Variants in SF3A3 observed in about 807,000 individuals in gnomAD.
SF3A3 encodes the protein splicing factor 3a subunit 3.
A neutral mutation model predicts 85.8 loss-of-function variants in SF3A3; 9 were observed. That is an observed-to-expected ratio of 0.10 (90% CI 0.06 to 0.18). SF3A3 has a LOEUF of 0.18. Ranked by LOEUF, SF3A3 falls within the 10% of genes least tolerant of loss-of-function variation. The pLI is 1.00. For missense variants in SF3A3, 306 were observed against 593.3 expected (o/e 0.52, Z 5.03); for synonymous variants, 195 against 204.4 (o/e 0.95, Z 0.39).
At chr1:37,958,639 C>A (rs1348628178) in intron 16 of SF3A3, among the ~76,000 whole-genome samples, 1 of 152,232 alleles carries the variant, frequency 6.6e-6, no homozygotes, top group African/African-American at 2.4e-5. Flanking sequence ...GGATTCTGCT[C>A]AGAGGCCATT....
chr1:37,969,651 T>G lies in SF3A3; in HGVS notation c.1090A>C (p.Ile364Leu). ...EEREEEEEEQ[I>L]SESESEDEEN... ...TCATCTTCACTCTCACTCTCACTGA[T>G]CTGCTCTTCTTCCTCTTCTTCTCGC... The change falls in exon 13 of 17, where the codon ATC becomes CTC. Residue 364 changes from isoleucine (I) to leucine (L), a missense_variant. Ile to Leu is a conservative substitution (Grantham distance 5, BLOSUM62 2). Transcript: ENST00000373019. The G allele has an allele frequency of 6.2e-7, 1 of 1,614,044 alleles. No homozygotes were observed. The highest frequency in any genetic ancestry group is 8.5e-7 in the Non-Finnish European group (1 of 1,179,866).
chr1:37,984,211 G>C lies in SF3A3; in HGVS notation c.426C>G (p.Leu142=). 1 of 1,609,978 alleles carries C rather than the reference G, an allele frequency of 6.2e-7. No individual in the cohort carries two copies. Among genetic ancestry groups the C allele is most frequent in the Non-Finnish European group, 8.5e-7 (1 of 1,177,158 alleles). ...DEEGYGRYLD[L]HDCYLKYINL... is the part of the protein sequence containing the mutation. ...TAATGTACTTGAGGTAACAGTCATG[G>C]AGATCGAGATAACGACCATATCCCT... Residue 142 remains leucine, a synonymous_variant, in exon 6 of 17, where the codon CTC becomes CTG. Transcript: ENST00000373019.
chr1:37,978,731 C>G lies in SF3A3; in HGVS notation c.924G>C (p.Lys308Asn). The G allele has an allele frequency of 6.4e-7, 1 of 1,560,376 alleles. No homozygotes were observed. Among genetic ancestry groups the G allele is most frequent in the Non-Finnish European group, 8.7e-7 (1 of 1,150,908 alleles). The change falls in exon 11 of 17, where the codon AAG becomes AAC. Residue 308 changes from lysine to asparagine, a missense_variant. This residue lies in a region of SF3A3 where 136 missense variants were observed against 296.6 expected (regional missense o/e 0.46). Transcript: ENST00000373019. ...TSLFAKNPKS[K>N]GTKRDTERNK... is the part of the protein sequence containing the mutation. ...CCCCAGCCACTCACCGCTTGGTGCC[C>G]TTTGACTTGGGATTTTTGGCAAACA...
chr1:37,970,926 C>T (rs528055838), intron 12 of SF3A3, among the ~76,000 whole-genome samples: 27 of 152,188 alleles, frequency 1.8e-4, no homozygotes, highest in Non-Finnish European at 3.4e-4. Context: ...AACTGACACC[C>T]TAACATCACA....
At chr1:37,961,073 T>C (rs1194182890) in intron 15 of SF3A3, among the ~76,000 whole-genome samples, 1 of 152,166 alleles carries the variant, frequency 6.6e-6, no homozygotes, top group East Asian at 1.9e-4. Flanking sequence ...CAATAGATGA[T>C]GAGAAAACAG....
chr1:37,971,909 G>T (rs1180452031), intron 12 of SF3A3, among the ~76,000 whole-genome samples: 3 of 152,168 alleles, frequency 2.0e-5, no homozygotes, highest in Admixed American at 2.0e-4. Flanking sequence ...CATACTGAAT[G>T]GGCAAAAACT....
At chr1:37,967,381 T>A (rs1249346787) in intron 15 of SF3A3, among the ~76,000 whole-genome samples, 2 of 151,088 alleles carry the variant, frequency 1.3e-5, no homozygotes, top group African/African-American at 4.9e-5. Context: ...CCGTCTCTAC[T>A]AAAAATACAA....
chr1:37,974,514 G>A (rs769387419), intron 12 of SF3A3, among the ~76,000 whole-genome samples: 2 of 152,080 alleles, frequency 1.3e-5, no homozygotes. Flanking sequence ...GTGTTAGCCA[G>A]GATGGTCTCG....
At chr1:37,958,313 T>C (rs1646234123) in intron 16 of SF3A3, 50 bp from the exon 17 acceptor site, 6 of 1,314,964 alleles carry the variant, frequency 4.6e-6, no homozygotes, top group Non-Finnish European at 2.2e-6. Flanking sequence ...AAAAGAAATG[T>C]TTGGAACCAA....
intron 8 of SF3A3, 46 bp from the exon 9 acceptor site, chr1:37,979,579 G>C: frequency 6.7e-7 from 1 of 1,493,230 alleles, no homozygotes; most frequent in Non-Finnish European, 9.3e-7. Context: ...GTTTAGGCCA[G>C]GTGTGGTGGC....
intron 11 of SF3A3, 78 bp from the exon 12 acceptor site, chr1:37,977,031 T>A: frequency 2.1e-6 from 2 of 948,498 alleles, no homozygotes; most frequent in South Asian, 2.7e-5. Flanking sequence ...GGAACATTTA[T>A]TGCACAACTG....
intron 12 of SF3A3, among the ~76,000 whole-genome samples, chr1:37,969,984 G>C (rs1321290812): frequency 2.0e-5 from 3 of 152,154 alleles, no homozygotes; most frequent in Admixed American, 2.0e-4. Context: ...TAGAACAACA[G>C]AAAACAGTCT....
rs749836454 is a variant in SF3A3 at position 37,987,618 on chromosome 1, A to G, written c.258T>C (p.Asn86=). Reference sequence around the variant, plus strand: ...GGAATTCCTTTATTTGCTTGAGTCTATTATAGAATTCAGCAAACTCATTGG... The same window carrying G: ...GGAATTCCTTTATTTGCTTGAGTCTGTTATAGAATTCAGCAAACTCATTGG... ...SGPNEFAEFY[N]RLKQIKEFHR... is the part of the protein sequence containing the mutation. Residue 86 remains asparagine (N), a synonymous_variant, in exon 4 of 17, where the codon AAT becomes AAC. Coordinates refer to ENST00000373019, the MANE Select transcript of SF3A3 (RefSeq NM_006802.4). 1.9e-6 allele frequency: 3 copies of G among 1,614,100 alleles called. No homozygotes were observed. The highest frequency in any genetic ancestry group is 4.5e-5 in the East Asian group (2 of 44,884).
rs1457432829 is a variant in SF3A3, at chr1:37,969,417, G to A, written c.1218C>T (p.Tyr406=). The A allele has an allele frequency of 6.2e-7, 1 of 1,612,996 alleles. No homozygotes were observed. Among genetic ancestry groups the A allele is most frequent in the Admixed American group, 1.7e-5 (1 of 60,006 alleles). The change falls in exon 14 of 17, where the codon TAC becomes TAT. Residue 406 remains tyrosine, a synonymous_variant. Transcript: ENST00000373019. Reference sequence around the variant, plus strand: ...TGTAGTTTCCACAAATCTCACAGTTGTAGTTGATATTTAGGCCATGAAGCT... The same window carrying A: ...TGTAGTTTCCACAAATCTCACAGTTATAGTTGATATTTAGGCCATGAAGCT... ...LYKLHGLNIN[Y]NCEICGNYTY... is the part of the protein sequence containing the mutation.
At chr1:37,962,071 C>T (rs368737939) in intron 15 of SF3A3, among the ~76,000 whole-genome samples, 256 of 141,848 alleles carry the variant, frequency 1.8e-3, no homozygotes, top group African/African-American at 6.4e-3. Flanking sequence ...GCAACAAGAG[C>T]GAAACTCCGT....
intron 15 of SF3A3, among the ~76,000 whole-genome samples, chr1:37,962,780 TA>T (rs5773608): frequency 0.78 from 111,431 of 143,548 alleles, 43,515 homozygotes; most frequent in African/African-American, 0.9. Flanking sequence ...CCCTCTAAGT[TA>T]AAAAAAAAAA....
chr1:37,990,010 G>T lies in SF3A3; in HGVS notation c.-45C>A. 5 of 1,440,292 alleles carry T rather than the reference G, an allele frequency of 3.5e-6. No homozygotes were observed. The highest frequency in any genetic ancestry group is 4.8e-6 in the Non-Finnish European group (5 of 1,031,768). 89.2% of individuals were successfully genotyped at this position (1,440,292 alleles called of 1,614,324 possible). A position where few individuals can be genotyped will look rare whatever the true frequency, so the allele number is the denominator to read the frequency against. On this transcript the variant is annotated 5_prime_UTR_variant, in exon 1 of 17. Coordinates refer to ENST00000373019, the MANE Select transcript of SF3A3 (RefSeq NM_006802.4). ...CTCAATTCAGACCACCAACACGGCC[G>T]GAAGCAACTCCTGCCGCCCAGCGCG...
In SF3A3 at chr1:37,989,863, C is replaced by T; in HGVS notation, c.96+7G>A. 3.1e-6 allele frequency: 5 copies of T among 1,604,002 alleles called. No individual in the cohort carries two copies. The highest frequency in any genetic ancestry group is 3.4e-6 in the Non-Finnish European group (4 of 1,171,080). On this transcript the variant is annotated splice_region_variant and intron_variant, in intron 1 of 16. Transcript: ENST00000373019. ...CCTGCCGCAGCCTCTGCTCAGGCCC[C>T]ACTCACCGTGGACTTCTTGGTGAGC...
chr1:37,985,265 G>A (rs902871138), intron 4 of SF3A3, among the ~76,000 whole-genome samples: 1 of 152,160 alleles, frequency 6.6e-6, no homozygotes, highest in African/African-American at 2.4e-5. Context: ...TACTGTTTGA[G>A]TAAAACCCAC....
Sources: allele counts gnomAD v4.1 joint callset (sites outside exome capture counted in the v4.1 genomes callset), GRCh38; gene constraint gnomAD v4.1.1; regional missense constraint gnomAD v4.1.1; transcripts MANE v1.5; gene names NCBI Gene and HGNC (gene_info 2026-07-23, HGNC 2026-07-21).